Variants in MVB12B observed in about 807,000 individuals in gnomAD.
MVB12B encodes the protein multivesicular body subunit 12B.
Under a neutral mutation model 41.6 loss-of-function variants are expected in MVB12B, and 16 were observed. That is an observed-to-expected ratio of 0.38 (90% confidence interval 0.26 to 0.58). The LOEUF is 0.58. Among genes scored for constraint, MVB12B ranks in the 20% least tolerant of loss-of-function variants. The pLI, the probability that MVB12B is intolerant of heterozygous loss-of-function variation, is 0.62. For synonymous variants in MVB12B, 133 were observed against 139.7 expected (o/e 0.95, Z 0.34); for missense variants, 274 against 380.2 (o/e 0.72, Z 2.32).
intron 9 of MVB12B, among the ~76,000 whole-genome samples, chr9:126,500,711 C>G (rs930672378): frequency 6.6e-6 from 1 of 152,246 alleles, no homozygotes; most frequent in Non-Finnish European, 1.5e-5. Flanking sequence ...GCCGTAGGCC[C>G]TCAGCCCCGC....
intron 7 of MVB12B, among the ~76,000 whole-genome samples, chr9:126,443,069 T>G (rs902390243): frequency 1.3e-5 from 2 of 152,250 alleles, no homozygotes; most frequent in African/African-American, 4.8e-5. Flanking sequence ...CTTTTCCCTG[T>G]GCAGAATTTT....
rs1830211201 is a variant in MVB12B, at chr9:126,367,355, T to A, written c.205-13709T>A. ...ACCAGATCTCTGTGGTCGTATGGTCTGCTCTCTCTCTCTCATCCGCGTGGC... is the reference window on the plus strand; with the variant it reads ...ACCAGATCTCTGTGGTCGTATGGTCAGCTCTCTCTCTCTCATCCGCGTGGC... On this transcript the variant is annotated intron_variant, in intron 2 of 9. Coordinates refer to ENST00000361171, the MANE Select transcript of MVB12B (RefSeq NM_033446.3). This position sits in a 1 kb window ranked among gnomAD's most constrained non-coding sequence, Gnocchi z 4.3. Among the ~76,000 whole-genome samples the A allele has an allele frequency of 6.6e-6, 1 of 151,574 alleles. No individual in the cohort carries two copies. Among genetic ancestry groups the A allele is most frequent in the Admixed American group, 6.6e-5 (1 of 15,266 alleles).
intron 7 of MVB12B, among the ~76,000 whole-genome samples, chr9:126,476,855 A>T (rs1238624419): frequency 5.5e-5 from 8 of 145,412 alleles, no homozygotes; most frequent in Middle Eastern, 3.4e-3. Context: ...CCAGCCTGGG[A>T]GACAGAGCGA....
intron 2 of MVB12B, among the ~76,000 whole-genome samples, chr9:126,366,800 G>GCGC (rs1830194058): frequency 6.6e-6 from 1 of 152,062 alleles, no homozygotes; most frequent in Non-Finnish European, 1.5e-5. Context: ...GCCCTGCCAG[G>GCGC]CGCCGAGCTT....
At chr9:126,475,809 C>T (rs1833407880) in intron 7 of MVB12B, among the ~76,000 whole-genome samples, 1 of 152,178 alleles carries the variant, frequency 6.6e-6, no homozygotes, top group Admixed American at 6.5e-5. Flanking sequence ...TCACTTGAGG[C>T]CAGAAGTTCA....
Position 126,503,635 on chromosome 9 carries a change from C to G in MVB12B, c.*372C>G. The G allele has an allele frequency of 3.4e-6, 1 of 294,492 alleles. No individual in the cohort carries two copies. The highest frequency in any genetic ancestry group is 4.4e-5 in the South Asian group (1 of 22,660). 18.2% of individuals were successfully genotyped at this position (294,492 alleles called of 1,614,324 possible). On this transcript the variant is annotated 3_prime_UTR_variant, in exon 10 of 10. Coordinates refer to ENST00000361171, the MANE Select transcript of MVB12B (RefSeq NM_033446.3). ...CGCCCACCGGCTCCCTCCGCTCCCT[C>G]CTGTCACCTACCAGGGCAGACCCCA...
chr9:126,390,996 A>AATCACC (rs1404366190), intron 4 of MVB12B, among the ~76,000 whole-genome samples: 1 of 152,106 alleles, frequency 6.6e-6, no homozygotes, highest in Non-Finnish European at 1.5e-5. Context: ...AGAGTTCAAA[A>AATCACC]ATCACCATTG....
At chr9:126,466,473 G>A (rs1199838689) in intron 7 of MVB12B, among the ~76,000 whole-genome samples, 1 of 152,196 alleles carries the variant, frequency 6.6e-6, no homozygotes, top group Non-Finnish European at 1.5e-5. Context: ...ACCTCTTGAT[G>A]AGAGAAATGA....
intron 2 of MVB12B, among the ~76,000 whole-genome samples, chr9:126,368,306 T>C (rs1463892609): frequency 6.6e-6 from 1 of 152,204 alleles, no homozygotes; most frequent in African/African-American, 2.4e-5. Flanking sequence ...TCAAGGCCCA[T>C]GTTTTAAACT....
chr9:126,449,966 C>T (rs944726014), intron 7 of MVB12B, among the ~76,000 whole-genome samples: 6 of 152,200 alleles, frequency 3.9e-5, no homozygotes, highest in East Asian at 1.9e-4. Flanking sequence ...GTGCCTCCTA[C>T]GGAATTCCGT....
chr9:126,496,434 C>T (rs1463949723), intron 9 of MVB12B, among the ~76,000 whole-genome samples: 2 of 146,480 alleles, frequency 1.4e-5, no homozygotes, highest in Non-Finnish European at 3.0e-5. Flanking sequence ...ATCTACTCAC[C>T]CACTCCCCCA....
intron 1 of MVB12B, among the ~76,000 whole-genome samples, chr9:126,330,188 G>A (rs1829090096): frequency 2.0e-5 from 3 of 152,092 alleles, no homozygotes; most frequent in Non-Finnish European, 4.4e-5. Flanking sequence ...AGCCCTGTGG[G>A]CCTGGAGCCC....
chr9:126,493,001 C>T (rs1034410423), intron 9 of MVB12B, among the ~76,000 whole-genome samples: 5 of 152,124 alleles, frequency 3.3e-5, no homozygotes, highest in African/African-American at 9.7e-5. Context: ...GAGCTCTTTA[C>T]GTTTTAAAGA....
chr9:126,417,527 A>C (rs57853803), intron 6 of MVB12B, among the ~76,000 whole-genome samples: 37,553 of 152,120 alleles, frequency 0.25, 4,808 homozygotes, highest in South Asian at 0.27. Context: ...GGGAAAATAC[A>C]CACAGGGAGA....
At chr9:126,457,392 A>G (rs1448298748) in intron 7 of MVB12B, among the ~76,000 whole-genome samples, 2 of 152,182 alleles carry the variant, frequency 1.3e-5, no homozygotes, top group East Asian at 3.8e-4. Context: ...TGGCTCGCTC[A>G]CTGGCCCAAC....
Position 126,438,675 on chromosome 9 carries a change from C to T in MVB12B, c.757+16727C>T, listed in dbSNP as rs966088720. 2.0e-5 allele frequency among the ~76,000 whole-genome samples: 3 copies of T among 152,172 alleles called. No homozygotes were observed. In the East Asian group the frequency reaches 5.8e-4, roughly 29 times the overall value. ...TTGATGCAGGAGTGGATGCAGTTTC[C>T]GTCCTTTGGGAGGACCTCTTCCCAG... On this transcript the variant is annotated intron_variant, in intron 7 of 9. Coordinates refer to ENST00000361171, the MANE Select transcript of MVB12B (RefSeq NM_033446.3).
At chr9:126,472,846 C>T (rs143810807) in intron 7 of MVB12B, among the ~76,000 whole-genome samples, 2,919 of 152,208 alleles carry the variant, frequency 0.019, 39 homozygotes, top group Non-Finnish European at 0.029. Context: ...TGTTGAAGCT[C>T]GTTTGTTTAG....
At chr9:126,503,137 T>C in intron 9 of MVB12B, 40 bp from the exon 10 acceptor site, 6 of 1,506,940 alleles carry the variant, frequency 4.0e-6, no homozygotes, top group Middle Eastern at 1.7e-4. Context: ...TAGTGTCCCA[T>C]GGACTGACTG....
intron 2 of MVB12B, among the ~76,000 whole-genome samples, chr9:126,341,447 G>T (rs1308087071): frequency 6.6e-6 from 1 of 152,180 alleles, no homozygotes; most frequent in Non-Finnish European, 1.5e-5. Context: ...CTTTGTTTGT[G>T]ACGTTTTGTT....
Sources: gnomAD v4.1 joint callset for allele counts (sites outside exome capture counted in the v4.1 genomes callset) on GRCh38, gnomAD v4.1.1 for gene constraint, Gnocchi (gnomAD v3.1) non-coding constraint, MANE v1.5 for transcripts, NCBI Gene and HGNC (gene_info 2026-07-23, HGNC 2026-07-21) for gene names.